The following PGM5 variants were observed in gnomAD, a reference collection of about 807,000 sequenced individuals.
The protein encoded by PGM5 is phosphoglucomutase 5, also known as phosphoglucomutase-like protein 5.
In PGM5, 23 loss-of-function variants were observed where a neutral mutation model predicts 59.2. That is an observed-to-expected ratio of 0.39 (90% CI 0.28 to 0.55). PGM5 has a LOEUF of 0.55. Among genes scored for constraint, PGM5 ranks in the 20% least tolerant of loss-of-function variants. The pLI, the probability that PGM5 is intolerant of heterozygous loss-of-function variation, is 0.66. For missense variants in PGM5, 574 were observed against 748.3 expected, an observed-to-expected ratio of 0.77 and a Z score of 2.72; for synonymous variants, 214 against 286.0, an observed-to-expected ratio of 0.75 and a Z score of 2.54.
At chr9:68,420,877 A>G (rs1554682292) in intron 6 of PGM5, among the ~76,000 whole-genome samples, 1 of 152,222 alleles carries the variant, frequency 6.6e-6, no homozygotes, top group African/African-American at 2.4e-5. Context: ...TGTGGTGGTT[A>G]TGAAAGCTAA....
At chr9:68,389,480 T>A (rs1200979932) in intron 4 of PGM5, among the ~76,000 whole-genome samples, 1 of 152,090 alleles carries the variant, frequency 6.6e-6, no homozygotes, top group African/African-American at 2.4e-5. Flanking sequence ...GAAAGTTATG[T>A]AAATGGAAGC....
intron 6 of PGM5, among the ~76,000 whole-genome samples, chr9:68,441,319 A>G (rs1168446218): frequency 6.6e-6 from 1 of 152,272 alleles, no homozygotes; most frequent in South Asian, 2.1e-4. Flanking sequence ...CTAGACAAAG[A>G]TAGAATTTTT....
intron 7 of PGM5, among the ~76,000 whole-genome samples, chr9:68,468,707 A>C (rs1823975680): frequency 1.3e-5 from 2 of 152,288 alleles, no homozygotes; most frequent in South Asian, 4.1e-4. Context: ...AAAAGATCTT[A>C]CACTGTAATT....
intron 6 of PGM5, 38 bp downstream of exon 6, chr9:68,392,511 A>G: frequency 4.4e-6 from 7 of 1,602,852 alleles, no homozygotes; most frequent in Non-Finnish European, 5.1e-6. Context: ...TTTATGGTAG[A>G]CCTTTGGCGT....
At chr9:68,406,899 C>T (rs1554681183) in intron 6 of PGM5, among the ~76,000 whole-genome samples, 1 of 150,846 alleles carries the variant, frequency 6.6e-6, no homozygotes. Context: ...TGGCTGTGCT[C>T]AGGCCCCGTC....
chr9:68,421,914 T>C (rs1226177912), intron 6 of PGM5, among the ~76,000 whole-genome samples: 1 of 151,638 alleles, frequency 6.6e-6, no homozygotes, highest in Non-Finnish European at 1.5e-5. Flanking sequence ...AAAAATGTGA[T>C]TCAAAATGGT....
At chr9:68,462,780 C>T (rs1823876909) in intron 6 of PGM5, among the ~76,000 whole-genome samples, 1 of 152,040 alleles carries the variant, frequency 6.6e-6, no homozygotes. Flanking sequence ...TAACTTTGAC[C>T]CAGGCTTGAC....
chr9:68,489,207 C>T (rs1205480210), intron 9 of PGM5, among the ~76,000 whole-genome samples: 5 of 152,296 alleles, frequency 3.3e-5, no homozygotes, highest in African/African-American at 1.2e-4. Flanking sequence ...ACTCCCCCAG[C>T]TCTGATAGAA....
chr9:68,481,785 A>G (rs568855246), intron 8 of PGM5, among the ~76,000 whole-genome samples: 3 of 152,340 alleles, frequency 2.0e-5, no homozygotes, highest in Admixed American at 2.0e-4. Flanking sequence ...TATGTTTCAG[A>G]TTTCTTTCCA....
chr9:68,469,683 G>C (rs1823991560), intron 7 of PGM5, among the ~76,000 whole-genome samples: 1 of 152,190 alleles, frequency 6.6e-6, no homozygotes, highest in African/African-American at 2.4e-5. Context: ...ATGCCCTGAA[G>C]ACAGGGCCCA....
intron 6 of PGM5, among the ~76,000 whole-genome samples, chr9:68,410,014 A>G (rs1424422983): frequency 3.1e-4 from 47 of 152,164 alleles, no homozygotes; most frequent in Non-Finnish European, 6.2e-4. Context: ...TGTTCTGCAA[A>G]GAGCCCCCAG....
intron 9 of PGM5, among the ~76,000 whole-genome samples, chr9:68,491,631 C>T (rs1358864585): frequency 3.3e-5 from 5 of 152,188 alleles, no homozygotes; most frequent in African/African-American, 1.2e-4. Flanking sequence ...AGCCACTTTT[C>T]CTGTGATTTT....
At chr9:68,369,674 C>A (rs1430508076) in intron 1 of PGM5, among the ~76,000 whole-genome samples, 1 of 152,236 alleles carries the variant, frequency 6.6e-6, no homozygotes, top group Non-Finnish European at 1.5e-5. Flanking sequence ...CTTCTAGATG[C>A]CTGTGACTTT....
intron 10 of PGM5, among the ~76,000 whole-genome samples, chr9:68,505,195 C>T (rs1824635128): frequency 6.6e-6 from 1 of 152,190 alleles, no homozygotes; most frequent in Non-Finnish European, 1.5e-5. Flanking sequence ...ATAACAAAAT[C>T]CACATTGTCC....
intron 6 of PGM5, among the ~76,000 whole-genome samples, chr9:68,410,421 G>A (rs1822907976): frequency 6.6e-6 from 1 of 152,150 alleles, no homozygotes; most frequent in Non-Finnish European, 1.5e-5. Flanking sequence ...AACATTCAGT[G>A]TAGAATATTG....
rs139614509 is a variant in PGM5 at position 68,391,605 on chromosome 9, G to T, written c.769G>T (p.Val257Phe). Reference sequence around the variant, plus strand: ...CCCAGCCAATTCTGCAATAAACTGTGTTCCCCTGGAAGACTTTGGAGGGCA... The same window carrying T: ...CCCAGCCAATTCTGCAATAAACTGTTTTCCCCTGGAAGACTTTGGAGGGCA... Reference protein sequence around the residue: ...GAPANSAINCVPLEDFGGQHP... With the variant: ...GAPANSAINCFPLEDFGGQHP... Residue 257 changes from valine to phenylalanine, a missense_variant, in exon 5 of 11, where the codon GTT becomes TTT. Coordinates refer to ENST00000396396, the MANE Select transcript of PGM5 (RefSeq NM_021965.4). 16 of 1,613,256 alleles carry T rather than the reference G, an allele frequency of 9.9e-6. No homozygotes were observed. In the Admixed American group the frequency reaches 1.2e-4, roughly 12 times the overall value.
intron 6 of PGM5, among the ~76,000 whole-genome samples, chr9:68,408,010 A>C (rs1486717897): frequency 2.6e-5 from 4 of 152,234 alleles, no homozygotes; most frequent in East Asian, 1.9e-4. Context: ...AGAAAAATTC[A>C]TAACATCACC....
chr9:68,418,717 C>A lies in PGM5; in HGVS notation c.1043+26244C>A, dbSNP rs1157162302. Among the ~76,000 whole-genome samples, 26 of 152,092 alleles carry A rather than the reference C, an allele frequency of 1.7e-4. 1 individual carries two copies. The South Asian group carries it at 5.4e-3, about 32-fold the overall frequency. ...TGAATGCCCTCTGAGCCCTGGGGGT[C>A]TTATCAGCTGGCTGCGGCGGGGGTG... is the stretch of plus-strand genomic sequence containing the variant. On this transcript the variant is annotated intron_variant, in intron 6 of 10. Coordinates refer to ENST00000396396, the MANE Select transcript of PGM5 (RefSeq NM_021965.4).
At chr9:68,452,040 TG>T (rs1344107451) in intron 6 of PGM5, among the ~76,000 whole-genome samples, 2 of 152,224 alleles carry the variant, frequency 1.3e-5, no homozygotes, top group Non-Finnish European at 2.9e-5. Flanking sequence ...AGGCACAGCT[TG>T]GGCTTCAGCC....
Sources: gnomAD v4.1 joint callset for allele counts (sites outside exome capture counted in the v4.1 genomes callset) on GRCh38, gnomAD v4.1.1 for gene constraint, MANE v1.5 for transcripts, NCBI Gene and HGNC (gene_info 2026-07-23, HGNC 2026-07-21) for gene names.